The following ENKUR variants were observed in gnomAD, a reference collection of about 807,000 sequenced individuals.
ENKUR encodes the protein enkurin, TRPC channel interacting protein, also known as enkurin.
ENKUR carries 19 observed loss-of-function variants against 27.6 expected under a neutral mutation model. The observed-to-expected ratio is 0.69, with a 90% CI of 0.48 to 1.01. The LOEUF (loss-of-function observed/expected upper bound fraction) is 1.01, where lower values mean the gene tolerates loss of function less well. Ranked by LOEUF, ENKUR falls within the 50% of genes least tolerant of loss-of-function variation. The pLI is 0.00. For synonymous variants in ENKUR, 117 were observed against 96.9 expected (o/e 1.21, Z -1.22); for missense variants, 312 against 310.5 (o/e 1.00, Z -0.04).
intron 1 of ENKUR, among the ~76,000 whole-genome samples, chr10:25,003,955 G>T: frequency 6.6e-6 from 1 of 152,182 alleles, no homozygotes; most frequent in East Asian, 1.9e-4. Flanking sequence ...GTGTTAGTTT[G>T]CTAAGGATAA....
At chr10:25,041,314 G>A (rs973085270) in intron 2 of ENKUR, among the ~76,000 whole-genome samples, 21 of 151,962 alleles carry the variant, frequency 1.4e-4, no homozygotes, top group Admixed American at 9.2e-4. Flanking sequence ...GTTTTCAAGG[G>A]CTGTTTTCTG....
upstream of ENKUR, among the ~76,000 whole-genome samples, chr10:25,021,102 A>G (rs560409060): frequency 3.3e-5 from 5 of 152,274 alleles, no homozygotes; most frequent in South Asian, 6.2e-4. Flanking sequence ...AGGTTTATAA[A>G]CCAAACCATA....
At chr10:24,995,911 C>T (rs1337609122) in intron 2 of ENKUR, 42 bp from the exon 3 acceptor site, 13 of 1,474,358 alleles carry the variant, frequency 8.8e-6, no homozygotes, top group Non-Finnish European at 1.0e-5. Flanking sequence ...AAACTACAAA[C>T]ACTGCTACTC....
chr10:24,995,977 T>C (rs1249230213), intron 2 of ENKUR, 108 bp from the exon 3 acceptor site: 1 of 837,226 alleles, frequency 1.2e-6, no homozygotes, highest in Non-Finnish European at 1.8e-6. Flanking sequence ...GTTGCAGTCA[T>C]AATATATTTA....
chr10:25,007,661 C>G (rs113593878), intron 1 of ENKUR, among the ~76,000 whole-genome samples: 4,374 of 152,194 alleles, frequency 0.029, 138 homozygotes, highest in African/African-American at 0.078. Context: ...TTCTCGATCT[C>G]CTGACCTCAT....
At chr10:25,026,399 A>G (rs1235498854) in intron 2 of ENKUR, 1 of 167,046 alleles carries the variant, frequency 6.0e-6, no homozygotes, top group Non-Finnish European at 1.5e-5. Context: ...TTCAAGAGGA[A>G]GGTTTTCCAA....
chr10:25,061,147 A>T, exon 2 of ENKUR: 1 of 1,536,054 alleles, frequency 6.5e-7, no homozygotes, highest in Non-Finnish European at 8.7e-7. Context: ...CTCTGTCTTC[A>T]TGCTCCGTGG....
At chr10:25,021,430 T>C (rs2132751745) in intron 2 of ENKUR, among the ~76,000 whole-genome samples, 2 of 152,336 alleles carry the variant, frequency 1.3e-5, no homozygotes, top group South Asian at 4.1e-4. Context: ...CTGATCATTA[T>C]ACAGCCAAAT....
At chr10:24,994,083 G>T (rs1344384916) in intron 3 of ENKUR, among the ~76,000 whole-genome samples, 1 of 152,144 alleles carries the variant, frequency 6.6e-6, no homozygotes, top group Non-Finnish European at 1.5e-5. Flanking sequence ...TTCCTGAGAA[G>T]ACAGTGTCCT....
At chr10:25,055,083 AATCTTTTAATTCC>A (rs1288377873) in intron 2 of ENKUR, among the ~76,000 whole-genome samples, 1 of 152,074 alleles carries the variant, frequency 6.6e-6, no homozygotes, top group Non-Finnish European at 1.5e-5. Flanking sequence ...CTCACATCTA[AATCTTTTAATTCC>A]AACTTCTGTG....
chr10:24,998,144 CT>C (rs1850105888), intron 2 of ENKUR, among the ~76,000 whole-genome samples: 1 of 152,134 alleles, frequency 6.6e-6, no homozygotes, highest in Non-Finnish European at 1.5e-5. Context: ...ACATTAAATA[CT>C]GCCATAAAGA....
chr10:25,008,167 A>G (rs1054453602), intron 1 of ENKUR, among the ~76,000 whole-genome samples: 2 of 152,066 alleles, frequency 1.3e-5, no homozygotes, highest in Non-Finnish European at 2.9e-5. Context: ...ACACTAAAAT[A>G]GCTTCTAACA....
rs1831096536 is a variant in ENKUR at position 24,982,826 on chromosome 10, A to G, written c.*1544T>C. The G allele has an allele frequency of 1.3e-5, 2 of 152,210 alleles. No homozygotes were observed. The highest frequency in any genetic ancestry group is 4.8e-5 in the African/African-American group (2 of 41,442). The allele number at this position is 152,210 out of a possible 1,614,324, so 9.4% of individuals were successfully genotyped here. Reference sequence around the variant, plus strand: ...GGACAACACTGTAGACCATAGAGAAAAGTCTAGATTCTTTAGTAGACATTT... The same window carrying G: ...GGACAACACTGTAGACCATAGAGAAGAGTCTAGATTCTTTAGTAGACATTT... On this transcript the variant is annotated 3_prime_UTR_variant, in exon 6 of 6. Transcript: ENST00000331161.
intron 2 of ENKUR, among the ~76,000 whole-genome samples, chr10:25,021,286 G>C (rs1039994943): frequency 2.7e-4 from 41 of 152,126 alleles, no homozygotes; most frequent in African/African-American, 9.4e-4. Flanking sequence ...ATCTTTTTGT[G>C]GCAAGAGTTT....
chr10:25,044,543 C>T (rs777331565), intron 2 of ENKUR, among the ~76,000 whole-genome samples: 4 of 152,098 alleles, frequency 2.6e-5, no homozygotes, highest in Non-Finnish European at 5.9e-5. Flanking sequence ...ACTACAGGCA[C>T]GTGTCACCAT....
At chr10:25,050,232 A>T (rs192419278) in intron 2 of ENKUR, among the ~76,000 whole-genome samples, 83 of 152,310 alleles carry the variant, frequency 5.4e-4, no homozygotes, top group African/African-American at 1.9e-3. Flanking sequence ...AAATTTCAAC[A>T]TGAAATTTGG....
At chr10:25,054,532 T>C (rs2130492292) in intron 2 of ENKUR, among the ~76,000 whole-genome samples, 1 of 147,894 alleles carries the variant, frequency 6.8e-6, no homozygotes, top group East Asian at 1.9e-4. Flanking sequence ...CTTTCTTTCC[T>C]TTCTTTCTTT....
At chr10:25,061,001 A>ACTACAGGCAAGAGCCC in intron 2 of ENKUR, 1 of 1,031,802 alleles carries the variant, frequency 9.7e-7, no homozygotes. Context: ...GGCAAGAGCC[A>ACTACAGGCAAGAGCCC]CTGGGCCTGG....
chr10:25,017,101 C>T (rs548698143), upstream of ENKUR, among the ~76,000 whole-genome samples: 203 of 152,330 alleles, frequency 1.3e-3, 1 homozygote, highest in Admixed American at 0.011. Flanking sequence ...GGTCGGGACT[C>T]TTCCTCTAGG....
Sources: gnomAD v4.1 joint callset for allele counts (sites outside exome capture counted in the v4.1 genomes callset) on GRCh38, gnomAD v4.1.1 for gene constraint, MANE v1.5 for transcripts, NCBI Gene and HGNC (gene_info 2026-07-23, HGNC 2026-07-21) for gene names.